Variants in ADCY5 observed in about 807,000 individuals in gnomAD.
The protein encoded by ADCY5 is adenylate cyclase type 5.
In ADCY5, 30 loss-of-function variants were observed where a neutral mutation model predicts 119.7. The ratio of observed to expected loss-of-function variants is 0.25; its 90% CI spans 0.19 to 0.34. ADCY5 has a LOEUF of 0.34. ADCY5 is among the 10% of genes least tolerant of loss of function. The pLI is 1.00. For synonymous variants in ADCY5, 753 were observed against 762.2 expected, an observed-to-expected ratio of 0.99 and a Z score of 0.20; for missense variants, 1,324 against 1,775.2, an observed-to-expected ratio of 0.75 and a Z score of 4.57.
intron 1 of ADCY5, among the ~76,000 whole-genome samples, chr3:123,438,282 T>C (rs1945659834): frequency 6.6e-6 from 1 of 152,158 alleles, no homozygotes; most frequent in Non-Finnish European, 1.5e-5. Flanking sequence ...TTATACCCAT[T>C]ACATATTAAA....
At chr3:123,303,419 T>C (rs1939976204) in intron 13 of ADCY5, among the ~76,000 whole-genome samples, 200 bp from the exon 14 acceptor site, 1 of 152,012 alleles carries the variant, frequency 6.6e-6, no homozygotes, top group Non-Finnish European at 1.5e-5. Context: ...GTGGCTAGCA[T>C]GCCCTCCCAG....
chr3:123,303,824 C>A (rs1940002501), intron 13 of ADCY5, among the ~76,000 whole-genome samples: 1 of 119,090 alleles, frequency 8.4e-6, no homozygotes, highest in African/African-American at 2.9e-5. Flanking sequence ...GACTCTGTCT[C>A]AAAACTGGAA....
intron 1 of ADCY5, among the ~76,000 whole-genome samples, chr3:123,432,875 G>A (rs1250376939): frequency 2.0e-5 from 3 of 152,066 alleles, no homozygotes; most frequent in Non-Finnish European, 4.4e-5. Flanking sequence ...GAAGAGAGGT[G>A]GGGCTCTGGT....
rs532310704 is a variant in ADCY5 at position 123,371,633 on chromosome 3, G to A, written c.1135-19052C>T. On this transcript the variant is annotated intron_variant, in intron 1 of 20. Coordinates refer to ENST00000462833, the MANE Select transcript of ADCY5 (RefSeq NM_183357.3). ...ATGGCAGCCGGTATCTCTCAGCCAG[G>A]CCTGGAGGATGGGGCAAGAGCTGGG... is the stretch of plus-strand genomic sequence containing the variant. 2.0e-5 allele frequency among the ~76,000 whole-genome samples: 3 copies of A among 152,352 alleles called. No homozygotes were observed. In the South Asian group the frequency reaches 6.2e-4, roughly 32 times the overall value.
intron 12 of ADCY5, among the ~76,000 whole-genome samples, chr3:123,308,698 A>G (rs368727401): frequency 3.2e-4 from 48 of 152,222 alleles, no homozygotes; most frequent in South Asian, 3.1e-3. Flanking sequence ...GCTTGGTGGC[A>G]GGCACCTGTA....
intron 17 of ADCY5, among the ~76,000 whole-genome samples, chr3:123,292,619 G>A (rs1201104617): frequency 6.6e-6 from 1 of 152,170 alleles, no homozygotes; most frequent in East Asian, 1.9e-4. Context: ...GGTGACCTAA[G>A]CTCCTGGGAG....
In ADCY5 at chr3:123,284,575, G is replaced by T; in HGVS notation, c.*33C>A. ...AGAAGCTGCTTCCATGCCTCTGGAG[G>T]CCAGGCTGCCTGGCACCATTGGCCA... is the stretch of plus-strand genomic sequence containing the variant. On this transcript the variant is annotated 3_prime_UTR_variant, in exon 21 of 21. Coordinates refer to ENST00000462833, the MANE Select transcript of ADCY5 (RefSeq NM_183357.3). 3 of 1,613,176 alleles carry T rather than the reference G, an allele frequency of 1.9e-6. No homozygotes were observed. The highest frequency in any genetic ancestry group is 2.5e-6 in the Non-Finnish European group (3 of 1,179,302).
chr3:123,332,467 C>T, intron 4 of ADCY5, 97 bp downstream of exon 4: 1 of 885,092 alleles, frequency 1.1e-6, no homozygotes, highest in South Asian at 1.5e-5. Flanking sequence ...TACCCAGGCA[C>T]ATGCCCATCC....
In ADCY5 at chr3:123,390,362, C is replaced by T. The variant is rs139406742; in HGVS notation, c.1135-37781G>A. Among the ~76,000 whole-genome samples the T allele has an allele frequency of 8.8e-4, 134 of 152,310 alleles. 3 individuals carry two copies. In the East Asian group the frequency reaches 0.021, roughly 24 times the overall value. On this transcript the variant is annotated intron_variant, in intron 1 of 20. Transcript: ENST00000462833. ...TCACCCTAAATGAATGCCTCCACTG[C>T]GTCTTCAAGCCCATTTCCCTCCTGT...
At chr3:123,422,342 C>A (rs1006753814) in intron 1 of ADCY5, among the ~76,000 whole-genome samples, 2 of 152,198 alleles carry the variant, frequency 1.3e-5, no homozygotes, top group African/African-American at 4.8e-5. Context: ...TCCTCTCGGG[C>A]TGCCCACGGA....
intron 1 of ADCY5, among the ~76,000 whole-genome samples, chr3:123,379,744 A>T (rs974532499): frequency 6.6e-6 from 1 of 152,056 alleles, no homozygotes; most frequent in Non-Finnish European, 1.5e-5. Flanking sequence ...GAAGTTGAGA[A>T]ATCCAACTGG....
At chr3:123,446,446 C>G (rs1237426888) in intron 1 of ADCY5, among the ~76,000 whole-genome samples, 2 of 152,170 alleles carry the variant, frequency 1.3e-5, no homozygotes. Flanking sequence ...GAGCAGCATG[C>G]AAACAAGCAG....
At chr3:123,364,223 A>T (rs528776534) in intron 1 of ADCY5, among the ~76,000 whole-genome samples, 1 of 152,376 alleles carries the variant, frequency 6.6e-6, no homozygotes, top group African/African-American at 2.4e-5. Flanking sequence ...AAATACTGAT[A>T]AACTTACATA....
chr3:123,335,694 C>T (rs1447120800), intron 3 of ADCY5, among the ~76,000 whole-genome samples: 1 of 152,170 alleles, frequency 6.6e-6, no homozygotes, highest in Non-Finnish European at 1.5e-5. Flanking sequence ...AGCAGCTTCT[C>T]ACCAGCTCAC....
intron 2 of ADCY5, among the ~76,000 whole-genome samples, chr3:123,349,071 C>T (rs1035699199): frequency 2.6e-5 from 4 of 152,180 alleles, no homozygotes; most frequent in Non-Finnish European, 5.9e-5. Context: ...GTGGCTATAT[C>T]AGCCATTTCC....
At chr3:123,341,498 G>C (rs991177633) in intron 3 of ADCY5, among the ~76,000 whole-genome samples, 3 of 151,836 alleles carry the variant, frequency 2.0e-5, no homozygotes, top group African/African-American at 7.3e-5. Flanking sequence ...GGGAGTTAGC[G>C]CTTAATGGGT....
chr3:123,405,778 G>C (rs1379737299), intron 1 of ADCY5, among the ~76,000 whole-genome samples: 3 of 152,104 alleles, frequency 2.0e-5, no homozygotes, highest in Non-Finnish European at 4.4e-5. Flanking sequence ...GGGACTACAG[G>C]CACCTGCCAC....
intron 3 of ADCY5, 151 bp from the exon 4 acceptor site, chr3:123,332,826 C>T (rs1941826291): frequency 1.7e-6 from 1 of 580,090 alleles, no homozygotes; most frequent in Non-Finnish European, 3.1e-6. Flanking sequence ...GTGATCAAGG[C>T]TCACTGCAGC....
In ADCY5 at chr3:123,291,257, C is replaced by T. The variant is rs146298419; in HGVS notation, c.3183G>A (p.Glu1061=). 79 of 1,614,058 alleles carry T rather than the reference C, an allele frequency of 4.9e-5. No individual in the cohort carries two copies. The highest frequency in any genetic ancestry group is 4.0e-4 in the East Asian group (18 of 44,880). The change falls in exon 18 of 21, where the codon GAG becomes GAA. Residue 1061 remains glutamate, a synonymous_variant. Transcript: ENST00000462833. The part of the protein sequence containing the change: ...HFLARERRND[E]LYYQSCECVA... ...CACACTCACAGGACTGATAGTAGAG[C>T]TCATCATTGCGCCGCTCGCGGGCCA...
Sources: allele counts gnomAD v4.1 joint callset (sites outside exome capture counted in the v4.1 genomes callset), GRCh38; gene constraint gnomAD v4.1.1; transcripts MANE v1.5; gene names NCBI Gene and HGNC (gene_info 2026-07-23, HGNC 2026-07-21).